SLC25A13: variants seen among roughly 807,000 people sequenced by gnomAD.
SLC25A13 encodes solute carrier family 25 member 13.
SLC25A13 carries 70 observed loss-of-function variants against 85.5 expected under a neutral mutation model. The ratio of observed to expected loss-of-function variants is 0.82; its 90% CI spans 0.68 to 1.00. SLC25A13 has a LOEUF of 1.00. Ranked by LOEUF, SLC25A13 falls within the 50% of genes least tolerant of loss-of-function variation. The pLI, the probability that SLC25A13 is intolerant of heterozygous loss-of-function variation, is 0.00. For synonymous variants in SLC25A13, 259 were observed against 288.7 expected, an observed-to-expected ratio of 0.90 and a Z score of 1.04; for missense variants, 765 against 819.8, an observed-to-expected ratio of 0.93 and a Z score of 0.82.
chr7:96,177,326 C>T (rs1025154007), intron 11 of SLC25A13, among the ~76,000 whole-genome samples: 1 of 152,212 alleles, frequency 6.6e-6, no homozygotes, highest in East Asian at 1.9e-4. Context: ...GACAAAACAA[C>T]ACATTTCAAC....
Position 96,172,191 on chromosome 7 carries a change from A to G in SLC25A13, c.1178-667T>C, listed in dbSNP as rs143140019. Reference sequence around the variant, plus strand: ...CTGAGAGGTCACTAGCTTGAATGCCATATGTATCCAACCTATAAGTGTGTT... The same window carrying G: ...CTGAGAGGTCACTAGCTTGAATGCCGTATGTATCCAACCTATAAGTGTGTT... On this transcript the variant is annotated intron_variant, in intron 11 of 17. Transcript: ENST00000265631. Among the ~76,000 whole-genome samples the G allele has an allele frequency of 8.9e-4, 135 of 152,320 alleles. 1 individual carries two copies. In the East Asian group the frequency reaches 0.018, roughly 21 times the overall value.
chr7:96,174,434 G>C (rs2023698), intron 11 of SLC25A13, among the ~76,000 whole-genome samples: 1 of 152,034 alleles, frequency 6.6e-6, no homozygotes, highest in African/African-American at 2.4e-5. Flanking sequence ...ATCTATAATA[G>C]GAGAAGGCTT....
chr7:96,189,435 T>G (rs1794759930), intron 8 of SLC25A13, 57 bp from the exon 9 acceptor site: 2 of 1,575,922 alleles, frequency 1.3e-6, no homozygotes, highest in East Asian at 4.5e-5. Flanking sequence ...CAATTTACAT[T>G]ATAAAATTTA....
At chr7:96,208,734 T>C (rs1368384722) in intron 5 of SLC25A13, 104 bp downstream of exon 5, 2 of 1,314,028 alleles carry the variant, frequency 1.5e-6, no homozygotes, top group Non-Finnish European at 2.2e-6. Flanking sequence ...CTCGATCTCC[T>C]GACCTCGTCA....
Position 96,269,590 on chromosome 7 carries a change from C to A in SLC25A13, c.212+7606G>T, listed in dbSNP as rs943243638. Among the ~76,000 whole-genome samples, 12 of 152,340 alleles carry A rather than the reference C, an allele frequency of 7.9e-5. No homozygotes were observed. In the East Asian group the frequency reaches 2.1e-3, roughly 27 times the overall value. ...GAAAAAACAGCTACATGAGTGTATT[C>A]ATTTCCTGGGGCTGCTGTGACAAAT... On this transcript the variant is annotated intron_variant, in intron 3 of 17. Coordinates refer to ENST00000265631, the MANE Select transcript of SLC25A13 (RefSeq NM_014251.3).
chr7:96,161,502 T>A (rs1410338598), intron 13 of SLC25A13, among the ~76,000 whole-genome samples: 1 of 152,188 alleles, frequency 6.6e-6, no homozygotes, highest in African/African-American at 2.4e-5. Context: ...GATTTTTTTT[T>A]AAGTTTCTTC....
intron 13 of SLC25A13, among the ~76,000 whole-genome samples, chr7:96,156,074 C>T (rs1793252970): frequency 6.6e-6 from 1 of 152,102 alleles, no homozygotes; most frequent in South Asian, 2.1e-4. Flanking sequence ...ATCATATGGA[C>T]TAGAATTCCT....
intron 9 of SLC25A13, among the ~76,000 whole-genome samples, chr7:96,186,006 T>C (rs548826026): frequency 1.3e-5 from 2 of 152,356 alleles, no homozygotes; most frequent in African/African-American, 4.8e-5. Flanking sequence ...TTTTTGTTTT[T>C]GTTTTAAGTG....
intron 14 of SLC25A13, among the ~76,000 whole-genome samples, chr7:96,140,753 GTT>G (rs61262981): frequency 1.8e-4 from 22 of 125,158 alleles, no homozygotes; most frequent in Non-Finnish European, 2.1e-4. Flanking sequence ...CTTATCTTTT[GTT>G]TTTTTTTTTT....
chr7:96,171,407 T>C (rs894957215), intron 12 of SLC25A13, 65 bp downstream of exon 12: 2 of 1,432,484 alleles, frequency 1.4e-6, no homozygotes, highest in Non-Finnish European at 9.8e-7. Context: ...CCTATAAGAA[T>C]ACCTGCTAGA....
Position 96,306,759 on chromosome 7 carries a change from G to T in SLC25A13, c.16-9808C>A. 8 of 1,172,950 alleles carry T rather than the reference G, an allele frequency of 6.8e-6. No homozygotes were observed. The South Asian group carries it at 7.5e-5, about 11-fold the overall frequency. The allele number at this position is 1,172,950 out of a possible 1,614,324, so 72.7% of individuals were successfully genotyped here. ...TGTGCCCTTCATCCCTCTGCATTTT[G>T]TTCTTTTTGCCCTCTGATACCTCCT... On this transcript the variant is annotated intron_variant, in intron 1 of 17. Coordinates refer to ENST00000265631, the MANE Select transcript of SLC25A13 (RefSeq NM_014251.3).
intron 5 of SLC25A13, among the ~76,000 whole-genome samples, chr7:96,193,748 C>G (rs1003700437): frequency 6.6e-6 from 1 of 152,062 alleles, no homozygotes; most frequent in Non-Finnish European, 1.5e-5. Flanking sequence ...GTCGTGTGTA[C>G]CCCTATTCTC....
intron 1 of SLC25A13, among the ~76,000 whole-genome samples, chr7:96,315,758 C>T (rs2117035945): frequency 6.6e-6 from 1 of 152,186 alleles, no homozygotes; most frequent in African/African-American, 2.4e-5. Context: ...TATGATATCA[C>T]CAAATACTTA....
intron 4 of SLC25A13, among the ~76,000 whole-genome samples, chr7:96,227,888 G>A (rs911890528): frequency 6.6e-6 from 1 of 152,114 alleles, no homozygotes; most frequent in African/African-American, 2.4e-5. Flanking sequence ...TTTTGAGCCA[G>A]AGTTTCGCTC....
intron 3 of SLC25A13, among the ~76,000 whole-genome samples, chr7:96,253,154 T>A (rs1039175887): frequency 2.6e-5 from 4 of 152,100 alleles, no homozygotes; most frequent in African/African-American, 9.7e-5. Flanking sequence ...GTGCTTTTGA[T>A]GAGTGTTGCA....
intron 5 of SLC25A13, among the ~76,000 whole-genome samples, chr7:96,194,442 C>CAAAAAAAAAAAAAAAAAAAAAAAAA (rs546248549): frequency 1.4e-4 from 4 of 27,694 alleles, no homozygotes; most frequent in African/African-American, 1.1e-4. Flanking sequence ...AACCTTGTCT[C>CAAAAAAAAAAAAAAAAAAAAAAAAA]AAAAAAAAAA....
chr7:96,139,658 ACTCT>A (rs997212956), intron 14 of SLC25A13, among the ~76,000 whole-genome samples: 4 of 152,248 alleles, frequency 2.6e-5, no homozygotes, highest in South Asian at 2.1e-4. Context: ...AGACTCAGTC[ACTCT>A]CTCTCATACA....
At position 96,189,414 on chromosome 7, in the gene SLC25A13, C is replaced by G. The variant is rs749618819; in HGVS notation, c.849-36G>C. On this transcript the variant is annotated intron_variant, in intron 8 of 17. Transcript: ENST00000265631. ...AAAACAAACACAAGCAACAAATATA[C>G]CAATTTATTACAATTTACATTATAA... The G allele has an allele frequency of 4.4e-6, 7 of 1,582,346 alleles. No individual in the cohort carries two copies. The Admixed American group carries it at 8.3e-5, about 19-fold the overall frequency.
intron 13 of SLC25A13, among the ~76,000 whole-genome samples, chr7:96,168,663 T>C (rs1447556653): frequency 1.3e-5 from 2 of 152,090 alleles, no homozygotes; most frequent in Admixed American, 1.3e-4. Context: ...TTGAGTAGTA[T>C]CACATAATTA....
Sources: gnomAD v4.1 joint callset for allele counts (sites outside exome capture counted in the v4.1 genomes callset) on GRCh38, gnomAD v4.1.1 for gene constraint, MANE v1.5 for transcripts, NCBI Gene and HGNC (gene_info 2026-07-23, HGNC 2026-07-21) for gene names.